The following BBS9 variants were observed in gnomAD, a reference collection of about 807,000 sequenced individuals.
BBS9 encodes Bardet-Biedl syndrome 9.
In BBS9, 89 loss-of-function variants were observed where a neutral mutation model predicts 117.7. The observed-to-expected ratio is 0.76, with a 90% CI of 0.64 to 0.90. The LOEUF (loss-of-function observed/expected upper bound fraction) is 0.90. BBS9 is among the 40% of genes least tolerant of loss of function. The pLI is 0.00. For synonymous variants in BBS9, 379 were observed against 370.9 expected, an observed-to-expected ratio of 1.02 and a Z score of -0.25; for missense variants, 982 against 1,042.2, an observed-to-expected ratio of 0.94 and a Z score of 0.80.
chr7:33,137,301 C>G (rs1790655605), intron 1 of BBS9, among the ~76,000 whole-genome samples: 2 of 152,092 alleles, frequency 1.3e-5, no homozygotes, highest in Non-Finnish European at 2.9e-5. Context: ...CACTTCCAAA[C>G]TGCAGGGGCA....
At position 33,293,611 on chromosome 7, in the gene BBS9, A is replaced by T. The variant is rs140981300; in HGVS notation, c.1016+19655A>T. On this transcript the variant is annotated intron_variant, in intron 9 of 22. Coordinates refer to ENST00000242067, the MANE Select transcript of BBS9 (RefSeq NM_198428.3). ...TAAAATGAAGTGTCTTTCGGGAAAT[A>T]TAAGACCAAGTGCAGTATGCTATTA... Among the ~76,000 whole-genome samples the T allele has an allele frequency of 1.6e-3, 248 of 152,318 alleles. 1 individual carries two copies. The highest frequency in any genetic ancestry group is 2.6e-3 in the Non-Finnish European group (174 of 68,024).
chr7:33,470,974 G>C (rs1260143750), intron 19 of BBS9, among the ~76,000 whole-genome samples: 1 of 152,172 alleles, frequency 6.6e-6, no homozygotes, highest in Non-Finnish European at 1.5e-5. Context: ...ATGCCATCGT[G>C]CCACATACTG....
chr7:33,420,268 A>C (rs539965377), intron 19 of BBS9, among the ~76,000 whole-genome samples: 1 of 152,268 alleles, frequency 6.6e-6, no homozygotes, highest in South Asian at 2.1e-4. Context: ...GTGTGATTTC[A>C]TGAGATAATG....
chr7:33,231,372 T>A (rs913037401), intron 5 of BBS9, among the ~76,000 whole-genome samples: 2 of 151,656 alleles, frequency 1.3e-5, no homozygotes, highest in Admixed American at 1.3e-4. Flanking sequence ...GTTGGTAGAC[T>A]GTATTAATTT....
intron 21 of BBS9, among the ~76,000 whole-genome samples, chr7:33,545,282 G>GA (rs1386990985): frequency 2.0e-5 from 3 of 152,096 alleles, no homozygotes; most frequent in Admixed American, 2.0e-4. Context: ...TCTCCCTGTG[G>GA]AGTTTTACCC....
chr7:33,172,940 T>C (rs903379443), intron 4 of BBS9, among the ~76,000 whole-genome samples: 22 of 152,242 alleles, frequency 1.4e-4, no homozygotes, highest in African/African-American at 5.1e-4. Flanking sequence ...GGGAAGAGTT[T>C]CTAATATACA....
At chr7:33,574,707 A>ACACACACACACACACACACACGCG (rs1858444441) in intron 21 of BBS9, among the ~76,000 whole-genome samples, 1 of 146,678 alleles carries the variant, frequency 6.8e-6, no homozygotes, top group Admixed American at 6.8e-5. Flanking sequence ...ACACACACAC[A>ACACACACACACACACACACACGCG]CACACACACA....
chr7:33,182,461 T>C (rs1583508232), intron 5 of BBS9, among the ~76,000 whole-genome samples: 1 of 152,232 alleles, frequency 6.6e-6, no homozygotes, highest in Non-Finnish European at 1.5e-5. Context: ...AGCAGTTAAG[T>C]TGAACAATTT....
At chr7:33,536,241 A>G (rs1472290787) in intron 21 of BBS9, among the ~76,000 whole-genome samples, 1 of 151,988 alleles carries the variant, frequency 6.6e-6, no homozygotes, top group Non-Finnish European at 1.5e-5. Context: ...TCACAGTCGC[A>G]ATGCCTTGCC....
chr7:33,323,008 G>A (rs546548065), intron 9 of BBS9, among the ~76,000 whole-genome samples: 39 of 152,160 alleles, frequency 2.6e-4, no homozygotes, highest in Middle Eastern at 3.4e-3. Flanking sequence ...TCATTAAGGA[G>A]CATATTGTTT....
intron 20 of BBS9, among the ~76,000 whole-genome samples, chr7:33,506,463 G>T (rs1164319121): frequency 1.3e-5 from 2 of 152,066 alleles, no homozygotes; most frequent in African/African-American, 2.4e-5. Flanking sequence ...TTTTTGAGTG[G>T]TTATTAGGTA....
At chr7:33,567,205 T>C (rs746999936) in intron 21 of BBS9, among the ~76,000 whole-genome samples, 2 of 152,224 alleles carry the variant, frequency 1.3e-5, no homozygotes, top group Non-Finnish European at 2.9e-5. Flanking sequence ...TATCTGATGA[T>C]ACAGTGCTCT....
Position 33,306,983 on chromosome 7 carries a change from G to A in BBS9, c.1017-29458G>A, listed in dbSNP as rs532966641. 7.9e-5 allele frequency among the ~76,000 whole-genome samples: 12 copies of A among 151,838 alleles called. No individual in the cohort carries two copies. In the South Asian group the frequency reaches 8.3e-4, roughly 11 times the overall value. The stretch of plus-strand genomic sequence containing the variant: ...ATATTTGCAGGAACATTGTATGTAC[G>A]CGGTATCTGTGAGGAATCTTCTCAG... On this transcript the variant is annotated intron_variant, in intron 9 of 22. Transcript: ENST00000242067.
chr7:33,515,038 A>C (rs762943142), intron 20 of BBS9, among the ~76,000 whole-genome samples: 1 of 152,204 alleles, frequency 6.6e-6, no homozygotes, highest in Non-Finnish European at 1.5e-5. Context: ...CAGGCATCCA[A>C]GAATTGGTAG....
intron 21 of BBS9, among the ~76,000 whole-genome samples, chr7:33,549,647 C>T (rs1854034314): frequency 6.6e-6 from 1 of 150,748 alleles, no homozygotes; most frequent in African/African-American, 2.4e-5. Context: ...CAAAAGAAGA[C>T]GTTTATGCAG....
At chr7:33,460,044 C>T (rs997975763) in intron 19 of BBS9, among the ~76,000 whole-genome samples, 15 of 151,984 alleles carry the variant, frequency 9.9e-5, no homozygotes, top group Non-Finnish European at 2.1e-4. Flanking sequence ...TACTTTAAAG[C>T]GACTTTGTTA....
chr7:33,318,995 T>G lies in BBS9; in HGVS notation c.1017-17446T>G, dbSNP rs560492670. Among the ~76,000 whole-genome samples, 27 of 152,152 alleles carry G rather than the reference T, an allele frequency of 1.8e-4. No homozygotes were observed. The East Asian group carries it at 5.2e-3, about 29-fold the overall frequency. On this transcript the variant is annotated intron_variant, in intron 9 of 22. Transcript: ENST00000242067. ...CTGGCCAACATGATGAAACCCCGTC[T>G]CTACTAAAAATACAAAAGTTAGCTG...
chr7:33,151,083 C>T (rs1406920997), intron 2 of BBS9, among the ~76,000 whole-genome samples: 1 of 152,074 alleles, frequency 6.6e-6, no homozygotes, highest in Non-Finnish European at 1.5e-5. Context: ...AAAACCACAT[C>T]CCTACAAAAA....
intron 5 of BBS9, among the ~76,000 whole-genome samples, chr7:33,249,603 G>C (rs1172891803): frequency 6.6e-6 from 1 of 151,884 alleles, no homozygotes; most frequent in Non-Finnish European, 1.5e-5. Context: ...GATCTTACAA[G>C]TAATATTTCA....
Sources: allele counts gnomAD v4.1 joint callset (sites outside exome capture counted in the v4.1 genomes callset), GRCh38; gene constraint gnomAD v4.1.1; transcripts MANE v1.5; gene names NCBI Gene and HGNC (gene_info 2026-07-23, HGNC 2026-07-21).